The following CIT variants were observed in gnomAD, a reference collection of about 807,000 sequenced individuals.
The protein encoded by CIT is citron Rho-interacting kinase.
In CIT, 79 loss-of-function variants were observed where a neutral mutation model predicts 272.7. The ratio of observed to expected loss-of-function variants is 0.29; its 90% CI spans 0.24 to 0.35. The LOEUF (loss-of-function observed/expected upper bound fraction) is 0.35. Ranked by LOEUF, CIT falls within the 10% of genes least tolerant of loss-of-function variation. The pLI is 1.00. For missense variants in CIT, 1,909 were observed against 2,618.3 expected, an observed-to-expected ratio of 0.73 and a Z score of 5.91; for synonymous variants, 948 against 995.6, an observed-to-expected ratio of 0.95 and a Z score of 0.90.
At chr12:119,719,187 T>C (rs541477375) in intron 30 of CIT, among the ~76,000 whole-genome samples, 16 of 152,190 alleles carry the variant, frequency 1.1e-4, no homozygotes, top group Non-Finnish European at 2.2e-4. Flanking sequence ...CAGGAGAGTA[T>C]GGAGTATGGA....
At chr12:119,711,135 G>A (rs771721826) in intron 37 of CIT, 76 of 1,358,562 alleles carry the variant, frequency 5.6e-5, no homozygotes, top group Non-Finnish European at 6.5e-5. Flanking sequence ...AAAAGCTCAC[G>A]TGTGAAACGA....
At chr12:119,827,670 C>T (rs1419967846) in intron 7 of CIT, among the ~76,000 whole-genome samples, 1 of 152,134 alleles carries the variant, frequency 6.6e-6, no homozygotes, top group Non-Finnish European at 1.5e-5. Flanking sequence ...ATCTCTTGAC[C>T]TCGTGATCCA....
At chr12:119,696,073 G>A (rs980786425) in intron 46 of CIT, among the ~76,000 whole-genome samples, 2 of 152,136 alleles carry the variant, frequency 1.3e-5, no homozygotes, top group African/African-American at 4.8e-5. Context: ...ATCCCTAAAC[G>A]GAAACACAAA....
chr12:119,867,909 T>C (rs1950560329), intron 3 of CIT, among the ~76,000 whole-genome samples: 1 of 151,998 alleles, frequency 6.6e-6, no homozygotes, highest in Non-Finnish European at 1.5e-5. Flanking sequence ...CCTTCCTCCA[T>C]TAAAAACAAA....
rs148188101 is a variant in CIT, at chr12:119,705,771, CAAAAAAAAAAAAA to C, written c.5212-1329_5212-1317del. Among the ~76,000 whole-genome samples, 36 of 46,620 alleles carry C rather than the reference CAAAAAAAAAAAAA, an allele frequency of 7.7e-4. 1 individual carries two copies. Among genetic ancestry groups the C allele is most frequent in the Admixed American group, 1.7e-3 (4 of 2,290 alleles). The allele number at this position is 46,620 out of a possible 152,430, so 30.6% of individuals were successfully genotyped here. On this transcript the variant is annotated intron_variant, in intron 40 of 47. Coordinates refer to ENST00000392521, the MANE Select transcript of CIT (RefSeq NM_001206999.2). ...TGGGTGACAGAGTGAGACTCTGTCT[CAAAAAAAAAAAAA>C]AAAAAAAAAAAAAAAAAAATTTTGG...
rs10574499 is a variant in CIT, at chr12:119,687,794, T to TA, written c.*437dup. 46 of 115,818 alleles carry TA rather than the reference T, an allele frequency of 4.0e-4. No homozygotes were observed. The highest frequency in any genetic ancestry group is 5.9e-4 in the Non-Finnish European group (34 of 57,626). 7.2% of individuals were successfully genotyped at this position (115,818 alleles called of 1,614,324 possible). The stretch of plus-strand genomic sequence containing the variant: ...AAATCTATTAAGAATTCTGTTGTCT[T>TA]AAAAAAAAAAAAAAAAAAAGGAAAG... On this transcript the variant is annotated 3_prime_UTR_variant, in exon 48 of 48. Coordinates refer to ENST00000392521, the MANE Select transcript of CIT (RefSeq NM_001206999.2).
rs554081219 is a variant in CIT at position 119,733,799 on chromosome 12, G to A, written c.3350+365C>T. 7.9e-5 allele frequency among the ~76,000 whole-genome samples: 12 copies of A among 152,206 alleles called. No homozygotes were observed. The South Asian group carries it at 1.2e-3, about 16-fold the overall frequency. On this transcript the variant is annotated intron_variant, in intron 26 of 47. Transcript: ENST00000392521. ...AAGGTTGAGGAACCCTGGGGTGGAG[G>A]GAAGACCAGGATTAAAATGGTAATG...
chr12:119,701,900 A>G lies in CIT; in HGVS notation c.5363T>C (p.Ile1788Thr), dbSNP rs757373626. The G allele has an allele frequency of 1.9e-6, 3 of 1,614,110 alleles. No individual in the cohort carries two copies. Among genetic ancestry groups the G allele is most frequent in the African/African-American group, 1.3e-5 (1 of 75,016 alleles). Residue 1788 changes from isoleucine to threonine, a missense_variant, in exon 42 of 48, where the codon ATT becomes ACT. Ile to Thr is a moderately conservative substitution (Grantham distance 89). Coordinates refer to ENST00000392521, the MANE Select transcript of CIT (RefSeq NM_001206999.2). The stretch of plus-strand genomic sequence containing the variant: ...GATTTCGTAGAATTTATTGGTTCCA[A>G]TGAGGATACTGTAATTGGTGAAGTG... ...CIHFTNYSIL[I>T]GTNKFYEIDM...
At chr12:119,831,894 A>T (rs1968668542) in intron 7 of CIT, among the ~76,000 whole-genome samples, 1 of 152,184 alleles carries the variant, frequency 6.6e-6, no homozygotes, top group South Asian at 2.1e-4. Context: ...AAGAAAAAGA[A>T]AATTTTACAT....
chr12:119,790,210 A>C (rs1965192956), intron 10 of CIT, among the ~76,000 whole-genome samples: 1 of 152,002 alleles, frequency 6.6e-6, no homozygotes, highest in South Asian at 2.1e-4. Flanking sequence ...TATTACATAC[A>C]TATTATCACA....
intron 23 of CIT, among the ~76,000 whole-genome samples, chr12:119,746,360 T>C (rs1287830372): frequency 6.6e-6 from 1 of 152,238 alleles, no homozygotes; most frequent in African/African-American, 2.4e-5. Flanking sequence ...GTTTCTAATG[T>C]GTTCTAATAA....
At chr12:119,805,175 T>C (rs1436126864) in intron 9 of CIT, among the ~76,000 whole-genome samples, 1 of 152,300 alleles carries the variant, frequency 6.6e-6, no homozygotes, top group East Asian at 1.9e-4. Flanking sequence ...TGAGGAAATT[T>C]ATGGAGAGAG....
At chr12:119,703,421 CTTTTT>C (rs34483318) in intron 41 of CIT, among the ~76,000 whole-genome samples, 4 of 105,704 alleles carry the variant, frequency 3.8e-5, no homozygotes, top group Non-Finnish European at 5.6e-5. Context: ...CTTCATTTCA[CTTTTT>C]TTTTTTTTTT....
Position 119,687,819 on chromosome 12 carries a change from G to T in CIT, c.*413C>A. 1 of 145,490 alleles carries T rather than the reference G, an allele frequency of 6.9e-6. No individual in the cohort carries two copies. Among genetic ancestry groups the T allele is most frequent in the Non-Finnish European group, 1.4e-5 (1 of 69,792 alleles). The allele number at this position is 145,490 out of a possible 1,614,324, so 9.0% of individuals were successfully genotyped here. A position where few individuals can be genotyped will look rare whatever the true frequency, so the allele number is the denominator to read the frequency against. On this transcript the variant is annotated 3_prime_UTR_variant, in exon 48 of 48. Transcript: ENST00000392521. ...TAAAAAAAAAAAAAAAAAAAGGAAA[G>T]AAACAAAGAGAAAAAAAAAAGAAAA...
At position 119,721,410 on chromosome 12, in the gene CIT, G is replaced by C; in HGVS notation, c.3631C>G (p.His1211Asp). 6.2e-7 allele frequency: 1 copy of C among 1,611,004 alleles called. No individual in the cohort carries two copies. Among genetic ancestry groups the C allele is most frequent in the Admixed American group, 1.7e-5 (1 of 59,972 alleles). ...AGTCCTTGAGTCAGACGGAAAATGTGATTTTTCTGCAGGTCCATCTGCTGC... is the reference window on the plus strand; with the variant it reads ...AGTCCTTGAGTCAGACGGAAAATGTCATTTTTCTGCAGGTCCATCTGCTGC... The part of the protein sequence containing the change: ...LQQQMDLQKN[H>D]IFRLTQGLQE... The change falls in exon 29 of 48, where the codon CAC (histidine) becomes GAC (aspartate). Residue 1211 changes from histidine (H) to aspartate (D), a missense_variant. This residue lies in a region of CIT where 530 missense variants were observed against 822.4 expected (regional missense o/e 0.64). Coordinates refer to ENST00000392521, the MANE Select transcript of CIT (RefSeq NM_001206999.2).
rs1962773506 is a variant in CIT, at chr12:119,768,910, C to T, written c.2209-1728G>A. On this transcript the variant is annotated intron_variant, in intron 18 of 47. Coordinates refer to ENST00000392521, the MANE Select transcript of CIT (RefSeq NM_001206999.2). The surrounding 1 kb of genome is among the most constrained non-coding windows in gnomAD (Gnocchi z 4.3). ...ATGGTACTAAGGACCACTCTTTGCC[C>T]ACCTCCTAGATACTTTGCAGCCTAA... 6.6e-6 allele frequency among the ~76,000 whole-genome samples: 1 copy of T among 152,142 alleles called. No homozygotes were observed. Among genetic ancestry groups the T allele is most frequent in the Non-Finnish European group, 1.5e-5 (1 of 68,028 alleles).
chr12:119,825,495 C>T, intron 7 of CIT, 127 bp from the exon 8 acceptor site: 1 of 772,260 alleles, frequency 1.3e-6, no homozygotes, highest in Admixed American at 2.9e-5. Flanking sequence ...CTTAAACCAG[C>T]TGTCAAGTGG....
intron 2 of CIT, among the ~76,000 whole-genome samples, chr12:119,873,770 C>G (rs1364854591): frequency 4.4e-5 from 2 of 45,110 alleles, no homozygotes; most frequent in Non-Finnish European, 8.1e-5. Context: ...CACCCAATAC[C>G]AATATTTTGG....
chr12:119,834,139 T>C lies in CIT; in HGVS notation c.606A>G (p.Leu202=). Residue 202 remains leucine, a synonymous_variant, in exon 6 of 48, where the codon CTA becomes CTG. Transcript: ENST00000392521. ...QLDENLIQFY[L]AELILAVHSV... The stretch of plus-strand genomic sequence containing the variant: ...TGTGAACAGCCAAAATCAGCTCAGC[T>C]AGGTAAAACTGTATCAGGTTTTCAT... The C allele has an allele frequency of 6.2e-7, 1 of 1,614,158 alleles. No individual in the cohort carries two copies. Among genetic ancestry groups the C allele is most frequent in the Non-Finnish European group, 8.5e-7 (1 of 1,180,008 alleles).
Sources: gnomAD v4.1 joint callset for allele counts (sites outside exome capture counted in the v4.1 genomes callset) on GRCh38, gnomAD v4.1.1 for gene constraint, gnomAD v4.1.1 regional missense constraint, Gnocchi (gnomAD v3.1) non-coding constraint, MANE v1.5 for transcripts, NCBI Gene and HGNC (gene_info 2026-07-23, HGNC 2026-07-21) for gene names.